ZNF221: variants seen among roughly 807,000 people sequenced by gnomAD.
The protein encoded by ZNF221 is zinc finger protein 221.
Under a neutral mutation model 12.6 loss-of-function variants are expected in ZNF221, and 10 were observed. The observed-to-expected ratio is 0.79, with a 90% confidence interval of 0.49 to 1.34. The LOEUF is 1.34. Ranked by LOEUF, ZNF221 falls within the 40% of genes most tolerant of loss-of-function variation. ZNF221 has a pLI of 0.00. For missense variants in ZNF221, 661 were observed against 721.4 expected (o/e 0.92, Z 0.96); for synonymous variants, 232 against 244.0 (o/e 0.95, Z 0.46).
chr19:43,962,626 A>T (rs1974864168), intron 1 of ZNF221, 99 bp from the exon 2 acceptor site: 1 of 1,172,084 alleles, frequency 8.5e-7, no homozygotes, highest in African/African-American at 1.5e-5. Context: ...GCTGCTATGA[A>T]CATTCATGTG....
chr19:43,963,526 G>A (rs1974885607), intron 2 of ZNF221, among the ~76,000 whole-genome samples: 1 of 152,076 alleles, frequency 6.6e-6, no homozygotes, highest in Non-Finnish European at 1.5e-5. Context: ...TTGTATGCAT[G>A]TTATTTATTG....
intron 2 of ZNF221, among the ~76,000 whole-genome samples, chr19:43,963,782 A>G (rs945616036): frequency 2.6e-5 from 4 of 152,224 alleles, no homozygotes; most frequent in African/African-American, 7.2e-5. Context: ...TTTATAATCA[A>G]ATAAGTGAGA....
In ZNF221 at chr19:43,965,234, G is replaced by C; in HGVS notation, c.210G>C (p.Gly70=). ...AAGCATGTCACTGTGTGTTCACAGG[G>C]AATCAACCATTCCACCAAGATACTT... ...LENFRNLLSV[G]NQPFHQDTFH... Residue 70 remains glycine (G), a splice_region_variant and synonymous_variant, in exon 4 of 5, where the codon GGG becomes GGC. Coordinates refer to ENST00000587682, the MANE Select transcript of ZNF221 (RefSeq NM_001297588.2). The C allele has an allele frequency of 6.2e-7, 1 of 1,610,106 alleles. No individual in the cohort carries two copies. The highest frequency in any genetic ancestry group is 8.5e-7 in the Non-Finnish European group (1 of 1,178,292).
intron 1 of ZNF221, among the ~76,000 whole-genome samples, chr19:43,953,869 G>C (rs1043422790): frequency 2.0e-5 from 3 of 151,978 alleles, no homozygotes; most frequent in African/African-American, 7.2e-5. Context: ...GATCACCTGA[G>C]GTCAGGAGTT....
At chr19:43,962,294 A>G (rs1029879239) in intron 1 of ZNF221, among the ~76,000 whole-genome samples, 6 of 152,104 alleles carry the variant, frequency 3.9e-5, no homozygotes, top group South Asian at 4.1e-4. Flanking sequence ...TCGCCCCCCA[A>G]TTGGACTCCT....
intron 1 of ZNF221, among the ~76,000 whole-genome samples, chr19:43,955,947 A>G (rs1974747640): frequency 6.6e-6 from 1 of 152,184 alleles, no homozygotes; most frequent in South Asian, 2.1e-4. Flanking sequence ...TGCCATCCCC[A>G]TTAGAATGTT....
chr19:43,979,745 G>T, the ZNF221 span, among the ~76,000 whole-genome samples: 1 of 152,070 alleles, frequency 6.6e-6, no homozygotes, highest in African/African-American at 2.4e-5. Context: ...TTGTTACTCC[G>T]TTTCAACGCT....
chr19:43,981,311 A>G, the ZNF221 span, among the ~76,000 whole-genome samples: 2 of 152,204 alleles, frequency 1.3e-5, no homozygotes, highest in African/African-American at 4.8e-5. Context: ...GTTTCAAGGC[A>G]AGAGTATATT....
At chr19:43,953,368 C>A in intron 1 of ZNF221, among the ~76,000 whole-genome samples, 1 of 152,038 alleles carries the variant, frequency 6.6e-6, no homozygotes. Flanking sequence ...AGCTTCCATA[C>A]CTTCCTGGGT....
chr19:43,961,941 G>A (rs910884230), intron 1 of ZNF221: 7 of 152,158 alleles, frequency 4.6e-5, no homozygotes, highest in African/African-American at 1.7e-4. Context: ...ACTTGGCCAA[G>A]ATGATATCTT....
intron 2 of ZNF221, 49 bp from the exon 3 acceptor site, chr19:43,964,901 G>T: frequency 1.2e-6 from 2 of 1,612,710 alleles, no homozygotes; most frequent in Non-Finnish European, 1.7e-6. Flanking sequence ...ACCCTTCTTT[G>T]AATAATCATT....
the ZNF221 span, among the ~76,000 whole-genome samples, chr19:43,972,763 CAAAAAAAA>C: frequency 1.5e-5 from 1 of 67,924 alleles, no homozygotes; most frequent in Non-Finnish European, 2.7e-5. Flanking sequence ...AATAGTCTAC[CAAAAAAAA>C]AAAAAAAAAG....
At chr19:43,955,704 A>G (rs538219405) in intron 1 of ZNF221, among the ~76,000 whole-genome samples, 8 of 152,162 alleles carry the variant, frequency 5.3e-5, no homozygotes, top group Non-Finnish European at 8.8e-5. Flanking sequence ...TGCTAGGAAA[A>G]CAGCGTGTAA....
the ZNF221 span, among the ~76,000 whole-genome samples, chr19:43,978,924 T>A: frequency 8.8e-6 from 1 of 114,062 alleles, no homozygotes; most frequent in South Asian, 2.9e-4. Context: ...ACAACATTTG[T>A]GTGTGTGTGT....
the ZNF221 span, among the ~76,000 whole-genome samples, chr19:43,976,438 G>A: frequency 6.6e-6 from 1 of 152,118 alleles, no homozygotes; most frequent in Non-Finnish European, 1.5e-5. Context: ...CTGAGAGGCT[G>A]AGGCATGAGA....
At chr19:43,975,697 A>C in the ZNF221 span, among the ~76,000 whole-genome samples, 1 of 152,242 alleles carries the variant, frequency 6.6e-6, no homozygotes, top group Non-Finnish European at 1.5e-5. Context: ...CTTAAAATAA[A>C]AGTTGAAGAA....
At chr19:43,962,930 G>A in intron 2 of ZNF221, 123 bp downstream of exon 2, 1 of 850,800 alleles carries the variant, frequency 1.2e-6, no homozygotes, top group Non-Finnish European at 1.8e-6. Flanking sequence ...TTGTTTGCCA[G>A]ATGCTTCCTT....
At chr19:43,977,427 A>T in the ZNF221 span, 2 of 152,246 alleles carry the variant, frequency 1.3e-5, no homozygotes, top group Admixed American at 6.5e-5. Context: ...TCAAAATAAA[A>T]AAATGTATCT....
At chr19:43,960,045 A>T (rs1195116450) in intron 1 of ZNF221, 1 of 152,094 alleles carries the variant, frequency 6.6e-6, no homozygotes, top group Non-Finnish European at 1.5e-5. Flanking sequence ...AGCTGTGACC[A>T]AAATGCTGGT....
Sources: allele counts gnomAD v4.1 joint callset (sites outside exome capture counted in the v4.1 genomes callset), GRCh38; gene constraint gnomAD v4.1.1; transcripts MANE v1.5; gene names NCBI Gene and HGNC (gene_info 2026-07-23, HGNC 2026-07-21).